The following ERO1A variants were observed in gnomAD, a reference collection of about 807,000 sequenced individuals.
The protein encoded by ERO1A is endoplasmic reticulum oxidoreductase 1 alpha.
A neutral mutation model predicts 76.9 loss-of-function variants in ERO1A; 49 were observed. The observed-to-expected ratio is 0.64, with a 90% CI of 0.51 to 0.81. The LOEUF (loss-of-function observed/expected upper bound fraction) is 0.81, where lower values mean the gene tolerates loss of function less well. Among genes scored for constraint, ERO1A ranks in the 30% least tolerant of loss-of-function variants. ERO1A has a pLI of 0.00. For synonymous variants in ERO1A, 174 were observed against 181.2 expected, an observed-to-expected ratio of 0.96 and a Z score of 0.32; for missense variants, 448 against 542.1, an observed-to-expected ratio of 0.83 and a Z score of 1.72.
At chr14:52,664,110 C>T (rs1406871148) in intron 7 of ERO1A, 12 of 278,716 alleles carry the variant, frequency 4.3e-5, no homozygotes, top group Admixed American at 5.2e-5. Context: ...AAATATCAGC[C>T]AAGCTCTTCT....
At chr14:52,660,152 T>G (rs2040185993) in intron 9 of ERO1A, among the ~76,000 whole-genome samples, 1 of 152,182 alleles carries the variant, frequency 6.6e-6, no homozygotes, top group African/African-American at 2.4e-5. Flanking sequence ...AGTTCAATAT[T>G]ATAATCCTGA....
chr14:52,680,793 G>A (rs570878377), intron 3 of ERO1A, among the ~76,000 whole-genome samples: 9 of 152,232 alleles, frequency 5.9e-5, no homozygotes, highest in African/African-American at 2.2e-4. Context: ...GTATCTATAT[G>A]AGGATTAATG....
Position 52,652,254 on chromosome 14 carries a change from T to C in ERO1A, c.1110A>G (p.Glu370=). 6.2e-7 allele frequency: 1 copy of C among 1,605,996 alleles called. No individual in the cohort carries two copies. Among genetic ancestry groups the C allele is most frequent in the African/African-American group, 1.3e-5 (1 of 74,878 alleles). Residue 370 remains glutamate, a synonymous_variant, in exon 13 of 16, where the codon GAA becomes GAG. Transcript: ENST00000395686. ...AAGTAATTACCTTTAGTTTGTGTGC[T>C]TCTTTTTTATCCCCAGCAAAAAATG... ...ENSFFAGDKK[E]AHKLKEDFRL...
At chr14:52,684,385 A>G (rs2041109114) in intron 1 of ERO1A, among the ~76,000 whole-genome samples, 1 of 152,164 alleles carries the variant, frequency 6.6e-6, no homozygotes, top group Admixed American at 6.5e-5. Flanking sequence ...AAAAGTTTTT[A>G]AAAGATACAC....
At chr14:52,658,606 T>C (rs1284925317) in intron 9 of ERO1A, 1 of 153,234 alleles carries the variant, frequency 6.5e-6, no homozygotes, top group Non-Finnish European at 1.5e-5. Flanking sequence ...TTACATGCCA[T>C]TCACTATTTC....
chr14:52,661,346 C>T, intron 8 of ERO1A, 42 bp from the exon 9 acceptor site: 1 of 1,412,528 alleles, frequency 7.1e-7, no homozygotes, highest in Non-Finnish European at 9.4e-7. Flanking sequence ...AAATTCCTTC[C>T]AGTGCCCCTT....
rs536672984 is a variant in ERO1A, at chr14:52,688,082, A to T, written c.115-4175T>A. Among the ~76,000 whole-genome samples the T allele has an allele frequency of 3.3e-5, 5 of 152,284 alleles. No homozygotes were observed. The South Asian group carries it at 1.0e-3, about 32-fold the overall frequency. On this transcript the variant is annotated intron_variant, in intron 1 of 15. Transcript: ENST00000395686. ...ACATCTGTAGTCCCAGCCACTTAGG[A>T]GGCTAAGGTGGGAGAATCGCTTGAG...
At chr14:52,690,207 T>C (rs1216921886) in intron 1 of ERO1A, among the ~76,000 whole-genome samples, 1 of 151,606 alleles carries the variant, frequency 6.6e-6, no homozygotes, top group Non-Finnish European at 1.5e-5. Context: ...ATGACATTAG[T>C]CTTGGCAATG....
intron 4 of ERO1A, among the ~76,000 whole-genome samples, chr14:52,677,405 G>A (rs1310006696): frequency 6.6e-6 from 1 of 152,094 alleles, no homozygotes; most frequent in East Asian, 1.9e-4. Flanking sequence ...CTGACGGACA[G>A]TCTACAAAAT....
At chr14:52,650,163 G>A (rs992023781) in intron 13 of ERO1A, among the ~76,000 whole-genome samples, 4 of 151,932 alleles carry the variant, frequency 2.6e-5, no homozygotes, top group Admixed American at 6.6e-5. Context: ...AGGCTGCAGT[G>A]AGCTATGATT....
Position 52,646,405 on chromosome 14 carries a change from A to G in ERO1A, c.1182T>C (p.Cys394=). The G allele has an allele frequency of 2.5e-6, 4 of 1,613,388 alleles. No homozygotes were observed. The highest frequency in any genetic ancestry group is 2.5e-6 in the Non-Finnish European group (3 of 1,179,798). Residue 394 remains cysteine (C), a synonymous_variant, in exon 14 of 16, where the codon TGT becomes TGC. Coordinates refer to ENST00000395686, the MANE Select transcript of ERO1A (RefSeq NM_014584.3). Reference sequence around the variant, plus strand: ...GCTTTCCCCACAGACGACATTTAAAACAACCAACACAATCCATAATTCTTG... The same window carrying G: ...GCTTTCCCCACAGACGACATTTAAAGCAACCAACACAATCCATAATTCTTG... The part of the protein sequence containing the change: ...NISRIMDCVG[C]FKCRLWGKLQ...
At chr14:52,683,438 A>G (rs2041066760) in intron 2 of ERO1A, among the ~76,000 whole-genome samples, 1 of 152,228 alleles carries the variant, frequency 6.6e-6, no homozygotes, top group African/African-American at 2.4e-5. Flanking sequence ...AATATAGGTC[A>G]GGATAAAGTC....
intron 11 of ERO1A, among the ~76,000 whole-genome samples, chr14:52,654,920 A>G (rs554233175): frequency 6.6e-6 from 1 of 152,266 alleles, no homozygotes; most frequent in South Asian, 2.1e-4. Flanking sequence ...GTTGGTATTT[A>G]TTTAATGCAT....
intron 8 of ERO1A, among the ~76,000 whole-genome samples, chr14:52,663,309 C>T (rs2040288200): frequency 6.6e-6 from 1 of 151,882 alleles, no homozygotes; most frequent in African/African-American, 2.4e-5. Flanking sequence ...TATAAAAATA[C>T]TTTTTACTGG....
chr14:52,646,543 T>G, intron 13 of ERO1A, 82 bp from the exon 14 acceptor site: 1 of 1,060,334 alleles, frequency 9.4e-7, no homozygotes, highest in Non-Finnish European at 1.4e-6. Flanking sequence ...TCTATGTGCC[T>G]AACACTGTGC....
chr14:52,644,152 T>C (rs1057102913), intron 15 of ERO1A, among the ~76,000 whole-genome samples: 4 of 152,026 alleles, frequency 2.6e-5, no homozygotes, highest in African/African-American at 7.2e-5. Context: ...AAAAATCAAA[T>C]TCTTTTAAAT....
At chr14:52,666,257 A>G (rs1594826765) in intron 7 of ERO1A, 118 bp downstream of exon 7, 1 of 762,652 alleles carries the variant, frequency 1.3e-6, no homozygotes, top group Non-Finnish European at 2.1e-6. Flanking sequence ...GTTTCCTTGT[A>G]CAAACACATC....
chr14:52,651,106 CAAAAAAAA>C (rs5808681), intron 13 of ERO1A, among the ~76,000 whole-genome samples: 4 of 102,370 alleles, frequency 3.9e-5, no homozygotes, highest in Non-Finnish European at 7.8e-5. Context: ...CTGTTTCTAC[CAAAAAAAA>C]AAAAAAAAAA....
chr14:52,666,146 T>C (rs999297535), intron 7 of ERO1A, among the ~76,000 whole-genome samples: 1 of 152,188 alleles, frequency 6.6e-6, no homozygotes, highest in Admixed American at 6.5e-5. Context: ...GGAACATTTG[T>C]CAAGGGCCTA....
Sources: allele counts gnomAD v4.1 joint callset (sites outside exome capture counted in the v4.1 genomes callset), GRCh38; gene constraint gnomAD v4.1.1; transcripts MANE v1.5; gene names NCBI Gene and HGNC (gene_info 2026-07-23, HGNC 2026-07-21).